USH2A: variants seen among roughly 807,000 people sequenced by gnomAD.
The protein encoded by USH2A is Usher syndrome 2A (autosomal recessive, mild).
In USH2A, 443 loss-of-function variants were observed where a neutral mutation model predicts 538.9. That is an observed-to-expected ratio of 0.82 (90% confidence interval 0.76 to 0.89). The LOEUF (loss-of-function observed/expected upper bound fraction) is 0.89. USH2A is among the 40% of genes least tolerant of loss of function. The probability of loss-of-function intolerance (pLI) is 0.00; values close to 1 mark genes in which losing one functional copy is unlikely to be tolerated. For synonymous variants in USH2A, 2,413 were observed against 2,273.5 expected (o/e 1.06, Z -1.75); for missense variants, 6,633 against 6,324.8 (o/e 1.05, Z -1.65).
intron 11 of USH2A, among the ~76,000 whole-genome samples, chr1:216,269,310 G>T (rs551382099): frequency 1.3e-3 from 198 of 152,118 alleles, no homozygotes; most frequent in Non-Finnish European, 2.3e-3. Flanking sequence ...GAGTTCCCCT[G>T]CACAAGCTCT....
At chr1:216,335,207 G>T (rs935633049) in intron 4 of USH2A, among the ~76,000 whole-genome samples, 1 of 151,562 alleles carries the variant, frequency 6.6e-6, no homozygotes, top group African/African-American at 2.4e-5. Flanking sequence ...AATGATCAAA[G>T]AAGAAATTAC....
At chr1:215,922,518 T>C (rs1481977663) in intron 38 of USH2A, among the ~76,000 whole-genome samples, 1 of 152,072 alleles carries the variant, frequency 6.6e-6, no homozygotes. Flanking sequence ...CAAATATGAA[T>C]ATGGAATAAA....
At chr1:215,802,892 C>T (rs1260392031) in intron 49 of USH2A, among the ~76,000 whole-genome samples, 1 of 151,890 alleles carries the variant, frequency 6.6e-6, no homozygotes, top group Non-Finnish European at 1.5e-5. Flanking sequence ...TAAATGAATA[C>T]AAAAGTGTTA....
intron 49 of USH2A, among the ~76,000 whole-genome samples, chr1:215,810,220 C>T (rs1163301679): frequency 6.6e-6 from 1 of 152,074 alleles, no homozygotes; most frequent in Non-Finnish European, 1.5e-5. Context: ...TACATACAGA[C>T]AATACATATT....
At chr1:216,106,225 T>C (rs1028995716) in intron 21 of USH2A, among the ~76,000 whole-genome samples, 4 of 147,502 alleles carry the variant, frequency 2.7e-5, no homozygotes, top group African/African-American at 9.8e-5. Flanking sequence ...AATAAATATA[T>C]ATTAAATATA....
At chr1:216,345,098 G>A (rs972001197) in intron 4 of USH2A, among the ~76,000 whole-genome samples, 1 of 151,856 alleles carries the variant, frequency 6.6e-6, no homozygotes, top group Non-Finnish European at 1.5e-5. Flanking sequence ...CAATGGGAGG[G>A]TCTTTCTCTG....
Position 216,021,278 on chromosome 1 carries a change from C to T in USH2A, c.6326-20716G>A, listed in dbSNP as rs150538232. On this transcript the variant is annotated intron_variant, in intron 32 of 71. Coordinates refer to ENST00000307340, the MANE Select transcript of USH2A (RefSeq NM_206933.4). ...ATTCCCACGTGTTGTGGGAGGGACC[C>T]GGTGGGAGATGATTGAATCATGGAG... is the stretch of plus-strand genomic sequence containing the variant. Among the ~76,000 whole-genome samples, 576 of 152,082 alleles carry T rather than the reference C, an allele frequency of 3.8e-3. 14 individuals carry two copies. The East Asian group carries it at 0.039, about 10-fold the overall frequency.
chr1:216,272,210 G>A (rs932590158), intron 11 of USH2A, among the ~76,000 whole-genome samples: 5 of 152,026 alleles, frequency 3.3e-5, no homozygotes, highest in South Asian at 2.1e-4. Context: ...TCTATTTTTT[G>A]TTGTTGGTTT....
intron 9 of USH2A, among the ~76,000 whole-genome samples, chr1:216,294,104 T>C (rs1187736412): frequency 6.6e-6 from 1 of 152,180 alleles, no homozygotes; most frequent in Non-Finnish European, 1.5e-5. Context: ...TAAAAAAACC[T>C]GGATATATGT....
In USH2A at chr1:216,423,222, T is replaced by C. The variant is rs1461842615; in HGVS notation, c.-213A>G. The C allele has an allele frequency of 6.6e-6, 1 of 152,216 alleles. No individual in the cohort carries two copies. Among genetic ancestry groups the C allele is most frequent in the African/African-American group, 2.4e-5 (1 of 41,456 alleles). The allele number at this position is 152,216 out of a possible 1,614,324, so 9.4% of individuals were successfully genotyped here. ...TAAATAAGCTGAGTTACCATTTCTT[T>C]ATTGCATTTCAACCAGTCCCCTCAG... On this transcript the variant is annotated 5_prime_UTR_variant, in exon 1 of 72. The change creates a new upstream start codon in the 5' untranslated region. Coordinates refer to ENST00000307340, the MANE Select transcript of USH2A (RefSeq NM_206933.4).
At chr1:216,218,363 A>G (rs1037070023) in intron 14 of USH2A, among the ~76,000 whole-genome samples, 2 of 152,122 alleles carry the variant, frequency 1.3e-5, no homozygotes, top group African/African-American at 4.8e-5. Flanking sequence ...AATGGCACTA[A>G]TTAGGATAAG....
At chr1:216,072,796 A>T in intron 29 of USH2A, 93 bp downstream of exon 29, 1 of 1,238,064 alleles carries the variant, frequency 8.1e-7, no homozygotes, top group Non-Finnish European at 1.2e-6. Flanking sequence ...CAAAAATATT[A>T]CTGCTTCAGG....
At chr1:216,070,326 G>C (rs753740252) in intron 29 of USH2A, 34 bp from the exon 30 acceptor site, 1 of 1,604,088 alleles carries the variant, frequency 6.2e-7, no homozygotes, top group East Asian at 2.2e-5. Context: ...TAGGGAAAAT[G>C]GCAGTTCTGA....
At chr1:215,681,473 A>G (rs1658229165) in intron 61 of USH2A, among the ~76,000 whole-genome samples, 1 of 152,190 alleles carries the variant, frequency 6.6e-6, no homozygotes, top group East Asian at 1.9e-4. Flanking sequence ...TAGATGTTTG[A>G]ATGTGATACA....
At chr1:216,105,935 T>G (rs1167550642) in intron 21 of USH2A, among the ~76,000 whole-genome samples, 1 of 151,790 alleles carries the variant, frequency 6.6e-6, no homozygotes, top group Non-Finnish European at 1.5e-5. Flanking sequence ...TAACATTGTA[T>G]TCTGCAATCT....
intron 21 of USH2A, among the ~76,000 whole-genome samples, chr1:216,112,917 C>T (rs866028823): frequency 5.9e-5 from 9 of 151,800 alleles, no homozygotes; most frequent in South Asian, 2.1e-4. Context: ...AATGAACACC[C>T]GCGAGCATGT....
chr1:216,062,002 T>C (rs1264874815), intron 30 of USH2A, among the ~76,000 whole-genome samples: 1 of 152,132 alleles, frequency 6.6e-6, no homozygotes, highest in African/African-American at 2.4e-5. Context: ...TTGAAAACAG[T>C]TTAATTTTCC....
chr1:216,411,809 G>T (rs1208119804), intron 3 of USH2A, among the ~76,000 whole-genome samples: 1 of 152,116 alleles, frequency 6.6e-6, no homozygotes, highest in Non-Finnish European at 1.5e-5. Context: ...CAGCTTTCTA[G>T]CCTCCAGAAC....
chr1:215,675,531 A>C lies in USH2A; in HGVS notation c.12380T>G (p.Leu4127Arg), dbSNP rs1657993813. Residue 4127 changes from leucine to arginine, a missense_variant, in exon 63 of 72, where the codon CTC (leucine) becomes CGC (arginine). Transcript: ENST00000307340. ...GCAGGCCTCCAGGGTCAGTGTGTAG[A>C]GAGTGAAAGGATCCAGGCGGCGGAA... ...FLFRRLDPFT[L>R]YTLTLEACTR... The C allele has an allele frequency of 1.2e-6, 2 of 1,614,044 alleles. No homozygotes were observed. The highest frequency in any genetic ancestry group is 1.7e-6 in the Non-Finnish European group (2 of 1,179,992).
Sources: allele counts gnomAD v4.1 joint callset (sites outside exome capture counted in the v4.1 genomes callset), GRCh38; gene constraint gnomAD v4.1.1; transcripts MANE v1.5; gene names NCBI Gene and HGNC (gene_info 2026-07-23, HGNC 2026-07-21).